The following TBC1D8 variants were observed in gnomAD, a reference collection of about 807,000 sequenced individuals.
TBC1D8 encodes the protein BUB2-like protein 1.
Under a neutral mutation model 118.8 loss-of-function variants are expected in TBC1D8, and 65 were observed. The observed-to-expected ratio is 0.55, with a 90% CI of 0.45 to 0.67. TBC1D8 has a LOEUF of 0.67. Ranked by LOEUF, TBC1D8 falls within the 30% of genes least tolerant of loss-of-function variation. The pLI is 0.00. For synonymous variants in TBC1D8, 566 were observed against 595.8 expected (o/e 0.95, Z 0.73); for missense variants, 1,376 against 1,471.2 (o/e 0.94, Z 1.06).
intron 1 of TBC1D8, among the ~76,000 whole-genome samples, chr2:101,096,197 C>A (rs1002743349): frequency 2.0e-5 from 3 of 152,048 alleles, no homozygotes; most frequent in African/African-American, 2.4e-5. Context: ...GTGCTGAGAT[C>A]ACAGGCGTGA....
intron 1 of TBC1D8, among the ~76,000 whole-genome samples, chr2:101,135,780 C>T (rs1407724649): frequency 6.6e-6 from 1 of 152,226 alleles, no homozygotes; most frequent in African/African-American, 2.4e-5. Context: ...CTGATTTCTG[C>T]AGTCGTTTTT....
chr2:101,014,683 CA>C (rs1679482224), intron 17 of TBC1D8, among the ~76,000 whole-genome samples: 1 of 152,188 alleles, frequency 6.6e-6, no homozygotes, highest in Non-Finnish European at 1.5e-5. Flanking sequence ...AAGCATCCCT[CA>C]GTTTCTTGGG....
chr2:101,133,886 C>G (rs139794215), intron 1 of TBC1D8, among the ~76,000 whole-genome samples: 1 of 152,100 alleles, frequency 6.6e-6, no homozygotes, highest in Non-Finnish European at 1.5e-5. Flanking sequence ...AAGCAGGCAC[C>G]GCCTTCACAA....
rs187572593 is a variant in TBC1D8 at position 101,033,427 on chromosome 2, C to T, written c.1818+117G>A. On this transcript the variant is annotated intron_variant, in intron 10 of 19. Transcript: ENST00000409318. The stretch of plus-strand genomic sequence containing the variant: ...CTTTCCGGAAAGGGACCGAGTACAG[C>T]GCCTTCACACGACAACACTCAGGAC... The T allele has an allele frequency of 1.5e-4, 187 of 1,220,078 alleles. 1 individual carries two copies. In the East Asian group the frequency reaches 3.0e-3, roughly 20 times the overall value. The allele number at this position is 1,220,078 out of a possible 1,614,324, so 75.6% of individuals were successfully genotyped here.
intron 2 of TBC1D8, among the ~76,000 whole-genome samples, chr2:101,065,552 T>A (rs1248034712): frequency 6.6e-6 from 1 of 152,236 alleles, no homozygotes; most frequent in Non-Finnish European, 1.5e-5. Flanking sequence ...ACATCTAATC[T>A]GTAAGTCGAA....
chr2:101,022,479 T>C lies in TBC1D8; in HGVS notation c.2563A>G (p.Met855Val), dbSNP rs1457626050. 2 of 1,602,468 alleles carry C rather than the reference T, an allele frequency of 1.2e-6. No individual in the cohort carries two copies. Among genetic ancestry groups the C allele is most frequent in the Non-Finnish European group, 1.7e-6 (2 of 1,176,878 alleles). Reference protein sequence around the residue: ...MSCYWEQPRPMASRHDPSRPY... With the variant: ...MSCYWEQPRPVASRHDPSRPY... ...CGGCTGGGGTCGTGGCGTGAGGCCATGGGCCTGGGCTGCTCCCAGTAACAG... is the reference window on the plus strand; with the variant it reads ...CGGCTGGGGTCGTGGCGTGAGGCCACGGGCCTGGGCTGCTCCCAGTAACAG... The change falls in exon 16 of 20, where the codon ATG becomes GTG. Residue 855 changes from methionine to valine, a missense_variant. Coordinates refer to ENST00000409318, the MANE Select transcript of TBC1D8 (RefSeq NM_001330348.2).
chr2:101,121,612 C>T (rs187454785), intron 1 of TBC1D8, among the ~76,000 whole-genome samples: 33 of 152,336 alleles, frequency 2.2e-4, no homozygotes, highest in African/African-American at 6.0e-4. Flanking sequence ...ATCTTAAGTG[C>T]TCCACCTTCA....
At chr2:101,112,352 T>A (rs1460141662) in intron 1 of TBC1D8, among the ~76,000 whole-genome samples, 2 of 152,216 alleles carry the variant, frequency 1.3e-5, no homozygotes, top group African/African-American at 4.8e-5. Flanking sequence ...TCCATTGATC[T>A]AAGGTGGTCT....
intron 10 of TBC1D8, 96 bp downstream of exon 10, chr2:101,033,448 A>G (rs779964408): frequency 1.4e-6 from 2 of 1,463,288 alleles, no homozygotes; most frequent in East Asian, 2.3e-5. Context: ...GACAACACTC[A>G]GGACCAGATG....
chr2:101,082,637 T>C lies in TBC1D8; in HGVS notation c.283+7572A>G, dbSNP rs999534810. On this transcript the variant is annotated intron_variant, in intron 2 of 19. Coordinates refer to ENST00000409318, the MANE Select transcript of TBC1D8 (RefSeq NM_001330348.2). Reference sequence around the variant, plus strand: ...ACACCCACTGCAACATGCGGGACACTTGAAGATAGGATGCTGACTGTAATA... The same window carrying C: ...ACACCCACTGCAACATGCGGGACACCTGAAGATAGGATGCTGACTGTAATA... Among the ~76,000 whole-genome samples the C allele has an allele frequency of 6.6e-5, 10 of 152,288 alleles. No individual in the cohort carries two copies. In the South Asian group the frequency reaches 1.0e-3, roughly 16 times the overall value.
intron 1 of TBC1D8, among the ~76,000 whole-genome samples, chr2:101,102,993 C>T (rs938599631): frequency 5.3e-5 from 8 of 151,970 alleles, no homozygotes; most frequent in South Asian, 2.1e-4. Context: ...AGGGAACACG[C>T]GAATTCATTC....
intron 1 of TBC1D8, among the ~76,000 whole-genome samples, chr2:101,111,118 T>C (rs765463353): frequency 9.9e-5 from 15 of 152,204 alleles, no homozygotes; most frequent in Admixed American, 1.3e-4. Context: ...GAAATTTGCA[T>C]TGGCAACATG....
intron 6 of TBC1D8, 77 bp downstream of exon 6, chr2:101,040,101 C>A: frequency 1.3e-6 from 2 of 1,522,946 alleles, no homozygotes; most frequent in South Asian, 2.5e-5. Context: ...CCCTCCCACA[C>A]TCCATCTCAC....
In TBC1D8 at chr2:101,032,271, T is replaced by C. The variant is rs762360581; in HGVS notation, c.1933A>G (p.Ile645Val). 1 of 1,613,346 alleles carries C rather than the reference T, an allele frequency of 6.2e-7. No individual in the cohort carries two copies. Among genetic ancestry groups the C allele is most frequent in the Non-Finnish European group, 8.5e-7 (1 of 1,179,380 alleles). Residue 645 changes from isoleucine (I) to valine (V), a missense_variant, in exon 11 of 20, where the codon ATC becomes GTC. Coordinates refer to ENST00000409318, the MANE Select transcript of TBC1D8 (RefSeq NM_001330348.2). The part of the protein sequence containing the change: ...MLPDYFNHRV[I>V]GAQVDQSVFE... ...AGGAGGAAGGGGGTCTGTTTACCGA[T>C]CACTCGGTGGTTGAAGTAATCGGGC...
At chr2:101,068,542 AC>A (rs1683139076) in intron 2 of TBC1D8, 5 of 534,964 alleles carry the variant, frequency 9.3e-6, no homozygotes, top group Non-Finnish European at 1.7e-5. Context: ...GTAAACCCAA[AC>A]TTTTACCCTT....
intron 1 of TBC1D8, among the ~76,000 whole-genome samples, chr2:101,115,309 T>C (rs2104218507): frequency 6.6e-6 from 1 of 152,282 alleles, no homozygotes; most frequent in Non-Finnish European, 1.5e-5. Context: ...TAAAATTTAA[T>C]AAGATGGAGT....
chr2:101,133,976 A>C (rs1387327552), intron 1 of TBC1D8, among the ~76,000 whole-genome samples: 1 of 152,120 alleles, frequency 6.6e-6, no homozygotes, highest in South Asian at 2.1e-4. Context: ...GAACTCACTC[A>C]CTATCATGAG....
chr2:101,150,911 A>T (rs1163346480), intron 1 of TBC1D8, among the ~76,000 whole-genome samples: 1 of 152,028 alleles, frequency 6.6e-6, no homozygotes, highest in Non-Finnish European at 1.5e-5. Flanking sequence ...CGCCCGGAAA[A>T]CGCACGCGCC....
rs199637281 is a variant in TBC1D8 at position 101,007,804 on chromosome 2, T to C, written c.*17A>G. 4.3e-6 allele frequency: 7 copies of C among 1,609,980 alleles called. No individual in the cohort carries two copies. Among genetic ancestry groups the C allele is most frequent in the East Asian group, 4.5e-5 (2 of 44,874 alleles). On this transcript the variant is annotated 3_prime_UTR_variant, in exon 20 of 20. Coordinates refer to ENST00000409318, the MANE Select transcript of TBC1D8 (RefSeq NM_001330348.2). ...TTGGTATGGTGGACTCCAGTGTGCATAGCAGCTGCTGTCTTGCTACAAGTT... is the reference window on the plus strand; with the variant it reads ...TTGGTATGGTGGACTCCAGTGTGCACAGCAGCTGCTGTCTTGCTACAAGTT...
Sources: gnomAD v4.1 joint callset for allele counts (sites outside exome capture counted in the v4.1 genomes callset) on GRCh38, gnomAD v4.1.1 for gene constraint, MANE v1.5 for transcripts, NCBI Gene and HGNC (gene_info 2026-07-23, HGNC 2026-07-21) for gene names.